Variants in PSMC3IP observed in about 807,000 individuals in gnomAD.
PSMC3IP encodes the protein PSMC3 interacting protein.
A neutral mutation model predicts 34.9 loss-of-function variants in PSMC3IP; 26 were observed. The ratio of observed to expected loss-of-function variants is 0.74; its 90% CI spans 0.55 to 1.03. The LOEUF (loss-of-function observed/expected upper bound fraction) is 1.03, where lower values mean the gene tolerates loss of function less well. Among genes scored for constraint, PSMC3IP ranks in the 50% least tolerant of loss-of-function variants. The pLI is 0.00. For missense variants in PSMC3IP, 250 were observed against 263.1 expected, an observed-to-expected ratio of 0.95 and a Z score of 0.34; for synonymous variants, 87 against 96.5, an observed-to-expected ratio of 0.90 and a Z score of 0.57.
chr17:42,577,134 C>A, intron 3 of PSMC3IP, 79 bp downstream of exon 3: 2 of 1,604,654 alleles, frequency 1.2e-6, no homozygotes, highest in Non-Finnish European at 1.7e-6. Context: ...GGGGCCTTGT[C>A]CCCAAAGAGT....
chr17:42,574,739 CTTTCTCTCTCTT>C (rs886951794), intron 3 of PSMC3IP, among the ~76,000 whole-genome samples: 28 of 22,244 alleles, frequency 1.3e-3, no homozygotes, highest in African/African-American at 1.5e-3. Flanking sequence ...TTCCCTCTCT[CTTTCTCTCTCTT>C]TCTCCCTCCC....
chr17:42,577,481 C>T lies in PSMC3IP; in HGVS notation c.115G>A (p.Glu39Lys). ...SQDVFGNLQR[E>K]HGLGKAVVVK... ...CTCACCGCCTTGCCCAGTCCGTGTT[C>T]CCGCTGTAGGTTCCCGAACACATCC... Residue 39 changes from glutamate to lysine, a missense_variant, in exon 2 of 8, where the codon GAA becomes AAA. Coordinates refer to ENST00000393795, the MANE Select transcript of PSMC3IP (RefSeq NM_016556.4). The T allele has an allele frequency of 3.1e-6, 5 of 1,614,164 alleles. No individual in the cohort carries two copies. The highest frequency in any genetic ancestry group is 4.2e-6 in the Non-Finnish European group (5 of 1,180,026).
chr17:42,574,250 A>G, intron 3 of PSMC3IP, 40 bp from the exon 4 acceptor site: 1 of 1,597,798 alleles, frequency 6.3e-7, no homozygotes, highest in Non-Finnish European at 8.5e-7. Context: ...AACTGTTGTG[A>G]GGCACAAAGA....
At position 42,573,305 on chromosome 17, in the gene PSMC3IP, A is replaced by G; in HGVS notation, c.537+6T>C. 1 of 1,613,962 alleles carries G rather than the reference A, an allele frequency of 6.2e-7. No homozygotes were observed. The highest frequency in any genetic ancestry group is 8.5e-7 in the Non-Finnish European group (1 of 1,179,978). ...AGGGCCTGTCTCGGAGCTCCCACAC[A>G]CTTACCATCCTCTTCCTCTTCCTCC... On this transcript the variant is annotated splice_donor_region_variant and intron_variant, in intron 6 of 7. Coordinates refer to ENST00000393795, the MANE Select transcript of PSMC3IP (RefSeq NM_016556.4).
chr17:42,573,848 C>G (rs1336732014), intron 4 of PSMC3IP: 2 of 1,531,598 alleles, frequency 1.3e-6, no homozygotes, highest in African/African-American at 2.7e-5. Flanking sequence ...GTTAAAGAAG[C>G]AGGAATAAAG....
chr17:42,576,019 TCAACAACAA>T (rs565806254), intron 3 of PSMC3IP, among the ~76,000 whole-genome samples: 2 of 151,800 alleles, frequency 1.3e-5, no homozygotes, highest in African/African-American at 2.4e-5. Flanking sequence ...AGACTCCGTC[TCAACAACAA>T]CAACAACAAC....
Position 42,574,219 on chromosome 17 carries a change from CAA to C in PSMC3IP, c.226-11_226-10del, listed in dbSNP as rs768827007. The C allele has an allele frequency of 1.4e-5, 22 of 1,613,032 alleles. No homozygotes were observed. The highest frequency in any genetic ancestry group is 8.0e-5 in the African/African-American group (6 of 74,960). ...ACCATGTCAAACTGGTCCTGCCAGA[CAA>C]AGAGGGAAAATACAAGTGAACTGTT... On this transcript the variant is annotated splice_polypyrimidine_tract_variant and intron_variant, in intron 3 of 7. Transcript: ENST00000393795.
intron 2 of PSMC3IP, 64 bp downstream of exon 2, chr17:42,577,397 G>A (rs2093082727): frequency 4.3e-6 from 7 of 1,609,824 alleles, no homozygotes; most frequent in Non-Finnish European, 6.0e-6. Flanking sequence ...GGCTCCAAAG[G>A]GCACGACCCC....
chr17:42,572,577 C>T lies in PSMC3IP; in HGVS notation c.*391G>A. On this transcript the variant is annotated 3_prime_UTR_variant, in exon 8 of 8. Coordinates refer to ENST00000393795, the MANE Select transcript of PSMC3IP (RefSeq NM_016556.4). ...CTCCAAATGCTCGTTTTATAGCAAC[C>T]TCTCTCTACCCTAGTTCTCCAAATT... 2.2e-6 allele frequency: 1 copy of T among 453,624 alleles called. No homozygotes were observed. The highest frequency in any genetic ancestry group is 4.4e-6 in the Non-Finnish European group (1 of 226,470). 28.1% of individuals were successfully genotyped at this position (453,624 alleles called of 1,614,324 possible).
intron 3 of PSMC3IP, among the ~76,000 whole-genome samples, chr17:42,575,837 T>A (rs1158434971): frequency 7.3e-6 from 1 of 136,852 alleles, no homozygotes; most frequent in Non-Finnish European, 1.5e-5. Context: ...TGAAACCCCA[T>A]CTCTACTAAA....
At chr17:42,573,734 A>C (rs929652335) in intron 4 of PSMC3IP, 111 bp from the exon 5 acceptor site, 2 of 1,533,274 alleles carry the variant, frequency 1.3e-6, no homozygotes, top group Non-Finnish European at 1.8e-6. Flanking sequence ...ATCATCTCAC[A>C]TGGAAACTAA....
At chr17:42,574,258 A>C in intron 3 of PSMC3IP, 48 bp from the exon 4 acceptor site, 1 of 1,589,444 alleles carries the variant, frequency 6.3e-7, no homozygotes, top group Non-Finnish European at 8.6e-7. Flanking sequence ...TGAGGCACAA[A>C]GATGGGAACA....
intron 4 of PSMC3IP, 113 bp from the exon 5 acceptor site, chr17:42,573,736 G>T: frequency 6.5e-7 from 1 of 1,531,650 alleles, no homozygotes. Context: ...CATCTCACAT[G>T]GAAACTAAGC....
At position 42,573,353 on chromosome 17, in the gene PSMC3IP, C is replaced by T. The variant is rs370176044; in HGVS notation, c.495G>A (p.Glu165=). ...TCCACTCCTTACAGTACTTCTGCCT[C>T]TCTCTGTACACCTAGAAGGAAAAAG... ...TPEEKEQVYR[E]RQKYCKEWRK... Residue 165 remains glutamate, a synonymous_variant, in exon 6 of 8, where the codon GAG becomes GAA. Coordinates refer to ENST00000393795, the MANE Select transcript of PSMC3IP (RefSeq NM_016556.4). 6.2e-7 allele frequency: 1 copy of T among 1,614,038 alleles called. No homozygotes were observed. The highest frequency in any genetic ancestry group is 1.3e-5 in the African/African-American group (1 of 74,922).
rs2292753 is a variant in PSMC3IP, at chr17:42,573,402, C to T, written c.484-38G>A. On this transcript the variant is annotated intron_variant, in intron 5 of 7. Transcript: ENST00000393795. ...AGCAAGTTCCTCTAACTCCTCAGAA[C>T]CACAGCAGCCCTCTGGGGCTCAGCC... 9.6e-5 allele frequency: 155 copies of T among 1,614,202 alleles called. 1 individual carries two copies. In the East Asian group the frequency reaches 3.4e-3, roughly 35 times the overall value.
Position 42,577,675 on chromosome 17 carries a change from G to T in PSMC3IP, c.12C>A (p.Gly4=). 6.2e-7 allele frequency: 1 copy of T among 1,614,110 alleles called. No homozygotes were observed. Among genetic ancestry groups the T allele is most frequent in the Non-Finnish European group, 8.5e-7 (1 of 1,179,992 alleles). Residue 4 remains glycine, a synonymous_variant, in exon 1 of 8, where the codon GGC becomes GGA. Coordinates refer to ENST00000393795, the MANE Select transcript of PSMC3IP (RefSeq NM_016556.4). ...TACCTCCCGCCGCAGCTTCTGCCCG[G>T]CCTTTACTCATCGCCTTTCCCGCCA... MSK[G]RAEAAAGAAG...
In PSMC3IP at chr17:42,573,277, T is replaced by G. The variant is rs200614182; in HGVS notation, c.537+34A>C. 3.1e-6 allele frequency: 5 copies of G among 1,614,098 alleles called. No homozygotes were observed. In the African/African-American group the frequency reaches 4.0e-5, roughly 13 times the overall value. ...GGTGCCTGCCATTTTCAAAGGCACC[T>G]CCAGGGCCTGTCTCGGAGCTCCCAC... On this transcript the variant is annotated intron_variant, in intron 6 of 7. Coordinates refer to ENST00000393795, the MANE Select transcript of PSMC3IP (RefSeq NM_016556.4).
chr17:42,576,396 G>A (rs1370280732), intron 3 of PSMC3IP, among the ~76,000 whole-genome samples: 2 of 152,196 alleles, frequency 1.3e-5, no homozygotes, highest in Non-Finnish European at 2.9e-5. Flanking sequence ...CAATGTTTAA[G>A]AGTTTAAGAT....
chr17:42,573,873 A>G, intron 4 of PSMC3IP: 1 of 1,531,902 alleles, frequency 6.5e-7, no homozygotes, highest in Non-Finnish European at 8.7e-7. Flanking sequence ...ACGTGGGGAC[A>G]GTGTACTGAT....
Sources: allele counts gnomAD v4.1 joint callset (sites outside exome capture counted in the v4.1 genomes callset), GRCh38; gene constraint gnomAD v4.1.1; transcripts MANE v1.5; gene names NCBI Gene and HGNC (gene_info 2026-07-23, HGNC 2026-07-21).